The following DLGAP1 variants were observed in gnomAD, a reference collection of about 807,000 sequenced individuals.
DLGAP1 encodes the protein disks large-associated protein 1.
A neutral mutation model predicts 90.8 loss-of-function variants in DLGAP1; 11 were observed. That is an observed-to-expected ratio of 0.12 (90% confidence interval 0.08 to 0.20). The LOEUF (loss-of-function observed/expected upper bound fraction) is 0.20, where lower values mean the gene tolerates loss of function less well. DLGAP1 is among the 10% of genes least tolerant of loss of function. DLGAP1 has a pLI of 1.00. For missense variants in DLGAP1, 1,050 were observed against 1,333.8 expected (o/e 0.79, Z 3.31); for synonymous variants, 558 against 540.7 (o/e 1.03, Z -0.44).
rs565610778 is a variant in DLGAP1, at chr18:4,090,756, G to A, written c.-159+60424C>T. On this transcript the variant is annotated intron_variant, in intron 2 of 12. Transcript: ENST00000315677. Reference sequence around the variant, plus strand: ...CCCATCACTGGGTATATACCCAAAGGAATATGAATCATTCTATCATAAAGA... The same window carrying A: ...CCCATCACTGGGTATATACCCAAAGAAATATGAATCATTCTATCATAAAGA... 2.6e-5 allele frequency among the ~76,000 whole-genome samples: 4 copies of A among 152,272 alleles called. No homozygotes were observed. In the East Asian group the frequency reaches 7.7e-4, roughly 29 times the overall value.
chr18:3,523,659 A>G (rs577293943), intron 10 of DLGAP1, among the ~76,000 whole-genome samples: 5 of 151,994 alleles, frequency 3.3e-5, no homozygotes, highest in African/African-American at 4.8e-5. Flanking sequence ...CATCCTGGCT[A>G]ACACGGTGAA....
chr18:4,414,199 A>T (rs187882118), intron 1 of DLGAP1, among the ~76,000 whole-genome samples: 3 of 152,326 alleles, frequency 2.0e-5, no homozygotes, highest in Admixed American at 6.5e-5. Context: ...TAATATGGCA[A>T]CTATCTGCAT....
chr18:3,719,419 G>A (rs868615268), intron 7 of DLGAP1, among the ~76,000 whole-genome samples: 4 of 151,804 alleles, frequency 2.6e-5, no homozygotes, highest in Non-Finnish European at 5.9e-5. Flanking sequence ...TTAGCCGGGT[G>A]TGGTGGCGGG....
chr18:3,823,060 C>T (rs1033701705), intron 4 of DLGAP1, among the ~76,000 whole-genome samples: 11 of 152,154 alleles, frequency 7.2e-5, no homozygotes, highest in African/African-American at 1.9e-4. Context: ...GTAGTGAATA[C>T]GTATAGGTTT....
At chr18:3,957,105 C>T (rs760470741) in intron 3 of DLGAP1, among the ~76,000 whole-genome samples, 28 of 152,194 alleles carry the variant, frequency 1.8e-4, no homozygotes, top group Admixed American at 5.2e-4. Flanking sequence ...AAGTTAATCT[C>T]GAGATGTGGA....
At chr18:4,011,518 CTGA>C (rs2074420961) in intron 2 of DLGAP1, among the ~76,000 whole-genome samples, 1 of 151,732 alleles carries the variant, frequency 6.6e-6, no homozygotes, top group Admixed American at 6.6e-5. Flanking sequence ...GGAGAGGGTG[CTGA>C]TAACAGTCCT....
intron 7 of DLGAP1, among the ~76,000 whole-genome samples, chr18:3,705,652 A>AATTATT (rs548386180): frequency 1.3e-5 from 2 of 149,744 alleles, no homozygotes; most frequent in African/African-American, 4.9e-5. Context: ...TAATAATAGT[A>AATTATT]ATTATTATTA....
intron 7 of DLGAP1, 42 bp from the exon 8 acceptor site, chr18:3,582,290 G>C: frequency 6.3e-7 from 1 of 1,576,162 alleles, no homozygotes; most frequent in Non-Finnish European, 8.6e-7. Flanking sequence ...TTTCTGCGTG[G>C]GTTTTAATTT....
intron 1 of DLGAP1, among the ~76,000 whole-genome samples, chr18:4,306,933 TTG>T (rs1203366095): frequency 8.1e-6 from 1 of 123,210 alleles, no homozygotes; most frequent in Non-Finnish European, 1.9e-5. Context: ...CAATGAGCTT[TTG>T]TTTTGTTTGT....
intron 7 of DLGAP1, among the ~76,000 whole-genome samples, chr18:3,671,123 C>A (rs898643906): frequency 3.4e-4 from 52 of 151,898 alleles, no homozygotes; most frequent in Non-Finnish European, 2.2e-4. Context: ...GTCACTCTAG[C>A]CTTCTTTTAA....
At chr18:4,181,571 C>A (rs17597725) in intron 1 of DLGAP1, among the ~76,000 whole-genome samples, 2 of 152,154 alleles carry the variant, frequency 1.3e-5, no homozygotes, top group Non-Finnish European at 2.9e-5. Flanking sequence ...AAACCGAAAG[C>A]TCCTGTGTCT....
chr18:4,396,292 C>A (rs1273899670), intron 1 of DLGAP1, among the ~76,000 whole-genome samples: 1 of 152,166 alleles, frequency 6.6e-6, no homozygotes, highest in Non-Finnish European at 1.5e-5. Context: ...TCATTAGCCC[C>A]ACTTTGTAAA....
At chr18:4,070,529 G>A (rs376530563) in intron 2 of DLGAP1, among the ~76,000 whole-genome samples, 1 of 98,906 alleles carries the variant, frequency 1.0e-5, no homozygotes, top group Non-Finnish European at 2.2e-5. Flanking sequence ...TTTTGCATAA[G>A]GTTTTCCCAT....
At chr18:3,959,669 A>AAG in intron 3 of DLGAP1, among the ~76,000 whole-genome samples, 1 of 149,320 alleles carries the variant, frequency 6.7e-6, no homozygotes, top group East Asian at 2.0e-4. Context: ...GTCTCAAAAA[A>AAG]AAAGAAAGAA....
At chr18:3,587,600 G>T (rs796769442) in intron 7 of DLGAP1, among the ~76,000 whole-genome samples, 2 of 152,126 alleles carry the variant, frequency 1.3e-5, no homozygotes, top group East Asian at 1.9e-4. Flanking sequence ...CAGCAATCCC[G>T]CTTGGGTCCC....
At chr18:4,259,230 G>C (rs527288938) in intron 1 of DLGAP1, among the ~76,000 whole-genome samples, 2 of 152,232 alleles carry the variant, frequency 1.3e-5, no homozygotes, top group Non-Finnish European at 2.9e-5. Context: ...GAAAATGGAG[G>C]GAAGAGAAGA....
intron 1 of DLGAP1, among the ~76,000 whole-genome samples, chr18:4,286,360 G>A (rs1232100257): frequency 3.9e-5 from 6 of 152,078 alleles, no homozygotes; most frequent in South Asian, 2.1e-4. Context: ...AAACAGGACC[G>A]TTCTCTGAGC....
Position 3,879,778 on chromosome 18 carries a change from G to T in DLGAP1, c.291C>A (p.Asn97Lys). The T allele has an allele frequency of 6.2e-7, 1 of 1,607,284 alleles. No individual in the cohort carries two copies. Residue 97 changes from asparagine (N) to lysine (K), a missense_variant, in exon 4 of 13, where the codon AAC (asparagine) becomes AAA (lysine). By Grantham distance (94) the Asn-to-Lys change is moderately conservative. Transcript: ENST00000315677. This position sits in a 1 kb window ranked among gnomAD's most constrained non-coding sequence, Gnocchi z 6.6. ...GGTCCAGCAGGTTGGCGGGGATGCGGTTCGCCTTGGTGGCCAGGGTGCGGG... is the reference window on the plus strand; with the variant it reads ...GGTCCAGCAGGTTGGCGGGGATGCGTTTCGCCTTGGTGGCCAGGGTGCGGG... ...LVPRTLATKA[N>K]RIPANLLDQF...
chr18:4,206,596 T>C (rs1163096864), intron 1 of DLGAP1, among the ~76,000 whole-genome samples: 1 of 152,166 alleles, frequency 6.6e-6, no homozygotes, highest in Non-Finnish European at 1.5e-5. Flanking sequence ...TCAGCATGCA[T>C]GGCTCTGCCT....
Sources: allele counts gnomAD v4.1 joint callset (sites outside exome capture counted in the v4.1 genomes callset), GRCh38; gene constraint gnomAD v4.1.1; non-coding constraint Gnocchi (gnomAD v3.1); transcripts MANE v1.5; gene names NCBI Gene and HGNC (gene_info 2026-07-23, HGNC 2026-07-21).